MYEF2: variants seen among roughly 807,000 people sequenced by gnomAD.
MYEF2 encodes myelin gene expression factor 2.
A neutral mutation model predicts 75.2 loss-of-function variants in MYEF2; 37 were observed. That is an observed-to-expected ratio of 0.49 (90% CI 0.38 to 0.65). MYEF2 has a LOEUF of 0.65. MYEF2 is among the 30% of genes least tolerant of loss of function. The pLI, the probability that MYEF2 is intolerant of heterozygous loss-of-function variation, is 0.00. For synonymous variants in MYEF2, 195 were observed against 241.6 expected (o/e 0.81, Z 1.79); for missense variants, 634 against 771.4 (o/e 0.82, Z 2.11).
chr15:48,166,783 TAA>T (rs142521513), intron 3 of MYEF2, among the ~76,000 whole-genome samples: 1,863 of 152,146 alleles, frequency 0.012, 36 homozygotes, highest in African/African-American at 0.043. Context: ...GAAACATTGC[TAA>T]GAGTTTTCCA....
At chr15:48,159,479 G>C (rs1446573733) in intron 6 of MYEF2, 134 bp downstream of exon 6, 1 of 719,178 alleles carries the variant, frequency 1.4e-6, no homozygotes, top group Non-Finnish European at 2.3e-6. Context: ...AATTGATTTT[G>C]AGTTTACAAT....
chr15:48,147,723 G>C (rs572644153), intron 16 of MYEF2, among the ~76,000 whole-genome samples: 2 of 151,812 alleles, frequency 1.3e-5, no homozygotes, highest in Non-Finnish European at 2.9e-5. Flanking sequence ...CAAAATAAAA[G>C]GATGATCAAG....
chr15:48,138,302 T>C lies in MYEF2; in HGVS notation c.*4606A>G, dbSNP rs1479599956. The C allele has an allele frequency of 6.6e-6, 1 of 152,008 alleles. No homozygotes were observed. Among genetic ancestry groups the C allele is most frequent in the Non-Finnish European group, 1.5e-5 (1 of 67,916 alleles). 9.4% of individuals were successfully genotyped at this position (152,008 alleles called of 1,614,324 possible). ...TGAATTCGAATTTTTATCCAATATA[T>C]TATCATTATCCTTCTACTAAATTAA... On this transcript the variant is annotated 3_prime_UTR_variant, in exon 17 of 17. Transcript: ENST00000324324.
Position 48,136,819 on chromosome 15 carries a change from G to T in MYEF2, c.*6089C>A. 9 of 1,613,802 alleles carry T rather than the reference G, an allele frequency of 5.6e-6. No individual in the cohort carries two copies. The highest frequency in any genetic ancestry group is 7.6e-6 in the Non-Finnish European group (9 of 1,179,836). On this transcript the variant is annotated 3_prime_UTR_variant, in exon 17 of 17. Transcript: ENST00000324324. The stretch of plus-strand genomic sequence containing the variant: ...TCTTGCCAAAGCTATGGAGAGAAGT[G>T]AACAACAGCCACTGATGGGCTGGGA...
At chr15:48,160,582 C>A (rs2039903275) in intron 5 of MYEF2, among the ~76,000 whole-genome samples, 1 of 149,992 alleles carries the variant, frequency 6.7e-6, no homozygotes, top group Admixed American at 6.6e-5. Flanking sequence ...AATAAATAAA[C>A]AAAAACCACA....
intron 16 of MYEF2, among the ~76,000 whole-genome samples, chr15:48,147,087 G>C (rs955543879): frequency 3.3e-5 from 5 of 151,856 alleles, no homozygotes; most frequent in Non-Finnish European, 7.4e-5. Context: ...TATAAGAATA[G>C]AGCTAAAATA....
At chr15:48,162,271 T>C (rs1056493786) in intron 5 of MYEF2, among the ~76,000 whole-genome samples, 1 of 152,126 alleles carries the variant, frequency 6.6e-6, no homozygotes, top group Admixed American at 6.5e-5. Flanking sequence ...ATTATGTAGC[T>C]AAAATATTTT....
Position 48,139,450 on chromosome 15 carries a change from A to G in MYEF2, c.*3458T>C, listed in dbSNP as rs2038987733. 4.0e-6 allele frequency: 1 copy of G among 252,792 alleles called. No individual in the cohort carries two copies. The highest frequency in any genetic ancestry group is 2.2e-5 in the African/African-American group (1 of 45,330). 15.7% of individuals were successfully genotyped at this position (252,792 alleles called of 1,614,324 possible). On this transcript the variant is annotated 3_prime_UTR_variant, in exon 17 of 17. Coordinates refer to ENST00000324324, the MANE Select transcript of MYEF2 (RefSeq NM_016132.5). ...AATCAAATTCATAGGATGTCTTTTT[A>G]TTATGCTAATAATTTAATCACATTC...
At chr15:48,172,378 G>T (rs1393048370) in intron 1 of MYEF2, among the ~76,000 whole-genome samples, 4 of 137,886 alleles carry the variant, frequency 2.9e-5, no homozygotes, top group Non-Finnish European at 4.6e-5. Context: ...TTTTTTTTTT[G>T]ATACAGAGCA....
chr15:48,158,157 T>C lies in MYEF2; in HGVS notation c.921+18A>G. ...GATCTGAAGAGGTTGGAGGTTGAAG[T>C]GATATACAGGAACTCACCATTTTCA... On this transcript the variant is annotated intron_variant, in intron 8 of 16. Transcript: ENST00000324324. 3.1e-6 allele frequency: 5 copies of C among 1,612,812 alleles called. 1 individual carries two copies. The highest frequency in any genetic ancestry group is 4.2e-6 in the Non-Finnish European group (5 of 1,179,218).
At chr15:48,164,219 A>C (rs1431632078) in intron 5 of MYEF2, among the ~76,000 whole-genome samples, 1 of 152,190 alleles carries the variant, frequency 6.6e-6, no homozygotes, top group Non-Finnish European at 1.5e-5. Context: ...ATCAATACTA[A>C]CAGGAGTTTG....
At chr15:48,171,196 T>C (rs913531760) in intron 1 of MYEF2, among the ~76,000 whole-genome samples, 4 of 152,228 alleles carry the variant, frequency 2.6e-5, no homozygotes, top group Non-Finnish European at 4.4e-5. Flanking sequence ...AAAGGGCCTG[T>C]TTACATAATA....
chr15:48,150,978 A>C, intron 14 of MYEF2, 122 bp downstream of exon 14: 1 of 528,556 alleles, frequency 1.9e-6, no homozygotes, highest in Non-Finnish European at 3.3e-6. Flanking sequence ...GGTTTCTCAA[A>C]TTATAGCAAG....
intron 14 of MYEF2, 83 bp downstream of exon 14, chr15:48,151,017 A>G: frequency 1.2e-6 from 1 of 862,020 alleles, no homozygotes; most frequent in African/African-American, 1.7e-5. Flanking sequence ...ACAAAGTATT[A>G]CTATACTACG....
chr15:48,170,212 G>A (rs978813105), intron 1 of MYEF2, among the ~76,000 whole-genome samples: 4 of 151,756 alleles, frequency 2.6e-5, no homozygotes, highest in Admixed American at 6.6e-5. Flanking sequence ...TGCAATCTCC[G>A]CCTCCTGGGT....
chr15:48,151,478 C>G lies in MYEF2; in HGVS notation c.1301G>C (p.Arg434Thr), dbSNP rs756325665. 6 of 1,612,222 alleles carry G rather than the reference C, an allele frequency of 3.7e-6. No homozygotes were observed. Among genetic ancestry groups the G allele is most frequent in the South Asian group, 1.1e-5 (1 of 91,012 alleles). ...INRGFGDSFG[R>T]LGSAMIGGFA... ...AAGTATGCAGCCAGCCCTACCAAGTCTACCAAAGGAATCTCCAAAGCCTCG... is the reference window on the plus strand; with the variant it reads ...AAGTATGCAGCCAGCCCTACCAAGTGTACCAAAGGAATCTCCAAAGCCTCG... Residue 434 changes from arginine to threonine, a missense_variant, in exon 13 of 17, where the codon AGA (arginine) becomes ACA (threonine). By Grantham distance (71) the Arg-to-Thr change is moderately conservative. Coordinates refer to ENST00000324324, the MANE Select transcript of MYEF2 (RefSeq NM_016132.5).
rs751120052 is a variant in MYEF2 at position 48,138,953 on chromosome 15, A to G, written c.*3955T>C. On this transcript the variant is annotated 3_prime_UTR_variant, in exon 17 of 17. Coordinates refer to ENST00000324324, the MANE Select transcript of MYEF2 (RefSeq NM_016132.5). Reference sequence around the variant, plus strand: ...CATTTGAGAAAACTCAAAAGTGTTTACTTTTTCCACAACAGATCCACCAAG... The same window carrying G: ...CATTTGAGAAAACTCAAAAGTGTTTGCTTTTTCCACAACAGATCCACCAAG... 6.3e-7 allele frequency: 1 copy of G among 1,591,984 alleles called. No individual in the cohort carries two copies. Among genetic ancestry groups the G allele is most frequent in the Non-Finnish European group, 8.6e-7 (1 of 1,168,432 alleles).
intron 5 of MYEF2, among the ~76,000 whole-genome samples, chr15:48,160,167 C>A (rs560012656): frequency 6.6e-6 from 1 of 152,272 alleles, no homozygotes; most frequent in Non-Finnish European, 1.5e-5. Context: ...TCATTTCTCA[C>A]TATTGGATGC....
intron 1 of MYEF2, among the ~76,000 whole-genome samples, chr15:48,173,301 C>T (rs1457442363): frequency 1.3e-5 from 2 of 152,112 alleles, no homozygotes; most frequent in Non-Finnish European, 2.9e-5. Flanking sequence ...AACATCCTTT[C>T]AAGATAAACA....
Sources: allele counts gnomAD v4.1 joint callset (sites outside exome capture counted in the v4.1 genomes callset), GRCh38; gene constraint gnomAD v4.1.1; transcripts MANE v1.5; gene names NCBI Gene and HGNC (gene_info 2026-07-23, HGNC 2026-07-21).